DGKH: variants seen among roughly 807,000 people sequenced by gnomAD.
DGKH encodes diacylglycerol kinase eta, also known as DAG kinase eta.
In DGKH, 90 loss-of-function variants were observed where a neutral mutation model predicts 159.3. The observed-to-expected ratio is 0.57, with a 90% CI of 0.48 to 0.67. DGKH has a LOEUF of 0.67. Among genes scored for constraint, DGKH ranks in the 30% least tolerant of loss-of-function variants. DGKH has a pLI of 0.00. For synonymous variants in DGKH, 536 were observed against 553.8 expected, an observed-to-expected ratio of 0.97 and a Z score of 0.45; for missense variants, 1,181 against 1,506.1, an observed-to-expected ratio of 0.78 and a Z score of 3.57.
chr13:42,091,073 AATTTTGTGGT>A (rs1954408284), intron 1 of DGKH, among the ~76,000 whole-genome samples: 1 of 152,180 alleles, frequency 6.6e-6, no homozygotes, highest in African/African-American at 2.4e-5. Flanking sequence ...ATAAATTACT[AATTTTGTGGT>A]ATTTTGTTAT....
At chr13:42,057,089 G>T (rs182720003) in intron 1 of DGKH, among the ~76,000 whole-genome samples, 1 of 152,072 alleles carries the variant, frequency 6.6e-6, no homozygotes, top group African/African-American at 2.4e-5. Context: ...ACTTTTTAAC[G>T]TACTTTTAAA....
chr13:42,233,639 T>A lies in DGKH; in HGVS notation c.*4451T>A, dbSNP rs958961800. On this transcript the variant is annotated 3_prime_UTR_variant, in exon 30 of 30. Transcript: ENST00000337343. ...CCTACCTACCCAGTGGTTGTATTTT[T>A]GTAGCCAGTGTGGGACACAGGAGAT... 12 of 152,248 alleles carry A rather than the reference T, an allele frequency of 7.9e-5. No individual in the cohort carries two copies. Among genetic ancestry groups the A allele is most frequent in the Non-Finnish European group, 1.6e-4 (11 of 68,054 alleles). 9.4% of individuals were successfully genotyped at this position (152,248 alleles called of 1,614,324 possible).
At chr13:42,138,009 G>T (rs1469963225) in intron 3 of DGKH, 23 of 826,904 alleles carry the variant, frequency 2.8e-5, no homozygotes, top group African/African-American at 3.7e-5. Flanking sequence ...TCATCTGATA[G>T]AACAGGCCCC....
At chr13:42,065,688 G>A (rs1461264107) in intron 1 of DGKH, among the ~76,000 whole-genome samples, 4 of 152,120 alleles carry the variant, frequency 2.6e-5, no homozygotes, top group Non-Finnish European at 5.9e-5. Context: ...GCGAATATGA[G>A]CATATGTGAG....
chr13:42,068,955 G>A (rs750457116), intron 1 of DGKH: 12 of 1,452,268 alleles, frequency 8.3e-6, no homozygotes, highest in Admixed American at 1.7e-5. Context: ...TCAGAATGCC[G>A]CTGTATGTTT....
chr13:42,085,927 GT>G (rs36114366), intron 1 of DGKH, among the ~76,000 whole-genome samples: 3,646 of 147,576 alleles, frequency 0.025, 55 homozygotes, highest in Admixed American at 0.035. Flanking sequence ...ATTAAACTAA[GT>G]TTTTTTTTTT....
rs1594108422 is a variant in DGKH at position 42,155,294 on chromosome 13, A to G, written c.388A>G (p.Ile130Val). Residue 130 changes from isoleucine (I) to valine (V), a missense_variant, in exon 4 of 30, where the codon ATC (isoleucine) becomes GTC (valine). This residue lies in a region of DGKH where 369 missense variants were observed against 519.4 expected (regional missense o/e 0.71). Coordinates refer to ENST00000337343, the MANE Select transcript of DGKH (RefSeq NM_178009.5). ...TKNANNSFTI[I>V]TPFRRLMLCA... ...TAGATTGAATTATCCCTTTCAGATCATCACTCCATTCAGAAGGCTAATGCT... is the reference window on the plus strand; with the variant it reads ...TAGATTGAATTATCCCTTTCAGATCGTCACTCCATTCAGAAGGCTAATGCT... 1.3e-6 allele frequency: 2 copies of G among 1,591,310 alleles called. No homozygotes were observed. The highest frequency in any genetic ancestry group is 2.2e-5 in the East Asian group (1 of 44,614).
intron 24 of DGKH, 77 bp from the exon 25 acceptor site, chr13:42,214,430 T>G (rs540207630): frequency 1.1e-5 from 15 of 1,401,388 alleles, no homozygotes; most frequent in African/African-American, 1.4e-5. Context: ...TGTTTTATCC[T>G]AACATTTCTA....
In DGKH at chr13:42,209,333, C is replaced by G. The variant is rs1271169110; in HGVS notation, c.2718C>G (p.Cys906Trp). ...IKLQHHRIAQCRTVKITIFGD... is the reference protein window; with the variant it reads ...IKLQHHRIAQWRTVKITIFGD... ...TAAAATGATTTGTTTTATTTCAGTG[C>G]CGTACAGTGAAAATCACTATATTTG... is the stretch of plus-strand genomic sequence containing the variant. Residue 906 changes from cysteine to tryptophan, a missense_variant and splice_region_variant, in exon 23 of 30, where the codon TGC (cysteine) becomes TGG (tryptophan). Cys to Trp is a radical substitution (Grantham distance 215). This residue lies in a region of DGKH where 335 missense variants were observed against 495.2 expected (regional missense o/e 0.68). Transcript: ENST00000337343. 1 of 1,609,340 alleles carries G rather than the reference C, an allele frequency of 6.2e-7. No homozygotes were observed.
chr13:42,131,632 G>A (rs1955293016), intron 3 of DGKH, among the ~76,000 whole-genome samples: 1 of 152,234 alleles, frequency 6.6e-6, no homozygotes, highest in African/African-American at 2.4e-5. Context: ...TAAGTAGTGA[G>A]TGGTGTCTAC....
chr13:42,058,946 ATTGTG>A (rs1453899234), intron 1 of DGKH, among the ~76,000 whole-genome samples: 2 of 152,168 alleles, frequency 1.3e-5, no homozygotes, highest in Non-Finnish European at 2.9e-5. Flanking sequence ...ATAGAGCTTT[ATTGTG>A]TTAAGTCCCT....
At chr13:42,256,250 T>C (rs1958656579) in intron 30 of DGKH, 1 of 1,577,588 alleles carries the variant, frequency 6.3e-7, no homozygotes, top group South Asian at 1.1e-5. Flanking sequence ...TAAAAATGTG[T>C]TACACTCAGC....
In DGKH at chr13:42,149,305, C is replaced by T. The variant is rs80237629; in HGVS notation, c.385-5986C>T. On this transcript the variant is annotated intron_variant, in intron 3 of 29. Transcript: ENST00000337343. The stretch of plus-strand genomic sequence containing the variant: ...ATCCTCTAGTCTTGGTTAGTTTCCC[C>T]TTCACTGTGTTCTCATTGCACCCCA... Among the ~76,000 whole-genome samples the T allele has an allele frequency of 1.7e-3, 266 of 152,282 alleles. 4 individuals carry two copies. The East Asian group carries it at 0.043, about 25-fold the overall frequency.
At chr13:42,243,206 C>T (rs776566849), downstream of DGKH, among the ~76,000 whole-genome samples, 4 of 152,150 alleles carry the variant, frequency 2.6e-5, no homozygotes, top group African/African-American at 4.8e-5. Flanking sequence ...TTCTTAACCC[C>T]GGGCAACCAC....
chr13:42,159,397 C>G, intron 6 of DGKH, 25 bp downstream of exon 6: 1 of 1,461,868 alleles, frequency 6.8e-7, no homozygotes, highest in Non-Finnish European at 9.6e-7. Context: ...TGTCTCTGCT[C>G]TCTTCCCACT....
chr13:42,161,563 T>TG (rs1401720529), intron 7 of DGKH, among the ~76,000 whole-genome samples: 1 of 144,896 alleles, frequency 6.9e-6, no homozygotes, highest in African/African-American at 2.5e-5. Context: ...GGGCGGATCA[T>TG]GGGGTCAGGA....
At chr13:42,100,147 G>A (rs537707854) in intron 1 of DGKH, among the ~76,000 whole-genome samples, 1 of 152,176 alleles carries the variant, frequency 6.6e-6, no homozygotes, top group African/African-American at 2.4e-5. Flanking sequence ...CCTGAGCTCC[G>A]CCTCCTGTCA....
chr13:42,161,508 G>A (rs1184951382), intron 7 of DGKH, among the ~76,000 whole-genome samples: 5 of 145,936 alleles, frequency 3.4e-5, no homozygotes, highest in East Asian at 2.0e-4. Context: ...TTAGCTGGGC[G>A]TGGTGGTGGG....
At chr13:42,179,839 C>G (rs1436874165) in intron 13 of DGKH, among the ~76,000 whole-genome samples, 1 of 150,130 alleles carries the variant, frequency 6.7e-6, no homozygotes, top group South Asian at 2.1e-4. Context: ...AAATGTTGTA[C>G]TACAAAGGTG....
Sources: allele counts gnomAD v4.1 joint callset (sites outside exome capture counted in the v4.1 genomes callset), GRCh38; gene constraint gnomAD v4.1.1; regional missense constraint gnomAD v4.1.1; transcripts MANE v1.5; gene names NCBI Gene and HGNC (gene_info 2026-07-23, HGNC 2026-07-21).